The following TBC1D5 variants were observed in gnomAD, a reference collection of about 807,000 sequenced individuals.
TBC1D5 encodes the protein TBC1 domain family, member 5.
A neutral mutation model predicts 100.3 loss-of-function variants in TBC1D5; 75 were observed. The observed-to-expected ratio is 0.75, with a 90% CI of 0.62 to 0.91. TBC1D5 has a LOEUF of 0.91. Ranked by LOEUF, TBC1D5 falls within the 40% of genes least tolerant of loss-of-function variation. The pLI, the probability that TBC1D5 is intolerant of heterozygous loss-of-function variation, is 0.00. For synonymous variants in TBC1D5, 323 were observed against 325.6 expected (o/e 0.99, Z 0.09); for missense variants, 910 against 942.4 (o/e 0.97, Z 0.45).
intron 1 of TBC1D5, among the ~76,000 whole-genome samples, chr3:17,673,475 T>C (rs2068223005): frequency 7.3e-6 from 1 of 136,234 alleles, no homozygotes; most frequent in South Asian, 2.6e-4. Flanking sequence ...CATGCCCAGA[T>C]AATGTTTGTA....
At chr3:17,540,044 G>A (rs1407156275) in intron 2 of TBC1D5, among the ~76,000 whole-genome samples, 2 of 152,204 alleles carry the variant, frequency 1.3e-5, no homozygotes, top group South Asian at 2.1e-4. Context: ...CCTAATGGGT[G>A]TAAGGTGGTA....
chr3:17,185,265 CAA>C, intron 18 of TBC1D5, 57 bp from the exon 20 acceptor site: 1 of 1,466,126 alleles, frequency 6.8e-7, no homozygotes, highest in Non-Finnish European at 9.5e-7. Flanking sequence ...ATAAAATCTC[CAA>C]AGTTTTCTAA....
intron 2 of TBC1D5, among the ~76,000 whole-genome samples, chr3:17,616,957 T>C (rs2062218496): frequency 6.6e-6 from 1 of 152,238 alleles, no homozygotes; most frequent in East Asian, 1.9e-4. Flanking sequence ...ATTTTGCCCG[T>C]TAATTGATGC....
At chr3:17,640,998 A>G (rs1037735045) in intron 1 of TBC1D5, among the ~76,000 whole-genome samples, 1 of 151,996 alleles carries the variant, frequency 6.6e-6, no homozygotes, top group Admixed American at 6.6e-5. Context: ...CCACACCCAC[A>G]CTTTACCATT....
At chr3:17,245,187 G>A (rs923174726) in intron 16 of TBC1D5, among the ~76,000 whole-genome samples, 10 of 152,206 alleles carry the variant, frequency 6.6e-5, no homozygotes, top group African/African-American at 2.4e-4. Context: ...AGCAAGACCT[G>A]ATCTCAAAAA....
intron 1 of TBC1D5, among the ~76,000 whole-genome samples, chr3:17,676,304 C>A (rs1429386905): frequency 2.6e-5 from 4 of 152,204 alleles, no homozygotes; most frequent in South Asian, 4.1e-4. Flanking sequence ...TCAGCAAAGT[C>A]TCAGGATACA....
At chr3:17,420,311 T>C (rs1161022682) in intron 4 of TBC1D5, among the ~76,000 whole-genome samples, 1 of 152,074 alleles carries the variant, frequency 6.6e-6, no homozygotes, top group African/African-American at 2.4e-5. Flanking sequence ...CACTACAACT[T>C]TGTGCCAAAA....
chr3:17,667,191 T>A (rs2067359338), intron 1 of TBC1D5, among the ~76,000 whole-genome samples: 1 of 152,154 alleles, frequency 6.6e-6, no homozygotes, highest in African/African-American at 2.4e-5. Flanking sequence ...TACTAAGCTA[T>A]GAATATTACC....
intron 16 of TBC1D5, among the ~76,000 whole-genome samples, chr3:17,252,889 C>CGAA (rs2077293940): frequency 2.0e-5 from 3 of 152,210 alleles, no homozygotes; most frequent in African/African-American, 7.2e-5. Flanking sequence ...TGAATGAATA[C>CGAA]TTGTTCACTT....
At chr3:17,693,274 TGGG>T (rs2071443209) in intron 1 of TBC1D5, among the ~76,000 whole-genome samples, 1 of 152,078 alleles carries the variant, frequency 6.6e-6, no homozygotes, top group African/African-American at 2.4e-5. Flanking sequence ...TGAAGCAGGG[TGGG>T]GCATTGACTC....
chr3:17,697,869 C>T (rs1039559866), intron 1 of TBC1D5, among the ~76,000 whole-genome samples: 1 of 151,892 alleles, frequency 6.6e-6, no homozygotes, highest in African/African-American at 2.4e-5. Flanking sequence ...TACAAGGCTA[C>T]AGTAACCAAA....
intron 1 of TBC1D5, among the ~76,000 whole-genome samples, chr3:17,694,543 G>A (rs4908959): frequency 0.57 from 86,757 of 151,866 alleles, 25,582 homozygotes; most frequent in East Asian, 0.99. Context: ...GACAGGGTTA[G>A]AGAAAAAAGA....
At chr3:17,452,161 T>C (rs1056068427) in intron 3 of TBC1D5, among the ~76,000 whole-genome samples, 8 of 151,076 alleles carry the variant, frequency 5.3e-5, no homozygotes, top group African/African-American at 1.2e-4. Flanking sequence ...AAACATACAA[T>C]GGATACACAA....
At chr3:17,576,627 C>T (rs1037761702) in intron 2 of TBC1D5, 18 of 151,918 alleles carry the variant, frequency 1.2e-4, no homozygotes, top group African/African-American at 4.3e-4. Flanking sequence ...ATTCATAGGG[C>T]CCAATTATCT....
At chr3:17,332,672 G>A (rs997798738) in intron 13 of TBC1D5, among the ~76,000 whole-genome samples, 1 of 151,544 alleles carries the variant, frequency 6.6e-6, no homozygotes, top group East Asian at 1.9e-4. Flanking sequence ...GAAGTAGGGG[G>A]AAAATTAGAA....
rs201835569 is a variant in TBC1D5 at position 17,299,330 on chromosome 3, G to GT, written c.1139-7330dup. On this transcript the variant is annotated intron_variant, in intron 14 of 21. Transcript: ENST00000253692. ...TGGGATACAATTTAAAACTTAGGAG[G>GT]TTTTTTTATTTTTGGAATTTTCCAT... 1.4e-4 allele frequency among the ~76,000 whole-genome samples: 22 copies of GT among 152,154 alleles called. No individual in the cohort carries two copies. In the East Asian group the frequency reaches 2.5e-3, roughly 17 times the overall value.
At chr3:17,452,697 C>T (rs1033101936) in intron 3 of TBC1D5, among the ~76,000 whole-genome samples, 2 of 152,014 alleles carry the variant, frequency 1.3e-5, no homozygotes, top group Non-Finnish European at 2.9e-5. Flanking sequence ...GACACATAGA[C>T]ACTAACACAA....
intron 4 of TBC1D5, among the ~76,000 whole-genome samples, chr3:17,419,378 T>C (rs80128216): frequency 0.091 from 13,862 of 152,166 alleles, 1,428 homozygotes; most frequent in African/African-American, 0.26. Flanking sequence ...CTCAACCTCT[T>C]TGGATATGCC....
chr3:17,343,533 G>A (rs2089349882), intron 13 of TBC1D5, among the ~76,000 whole-genome samples: 1 of 141,736 alleles, frequency 7.1e-6, no homozygotes, highest in African/African-American at 2.6e-5. Context: ...AATAGTTTCA[G>A]AAGGAATGGT....
Sources: allele counts gnomAD v4.1 joint callset (sites outside exome capture counted in the v4.1 genomes callset), GRCh38; gene constraint gnomAD v4.1.1; transcripts MANE v1.5; gene names NCBI Gene and HGNC (gene_info 2026-07-23, HGNC 2026-07-21).